PROM1: variants seen among roughly 807,000 people sequenced by gnomAD.
PROM1 encodes the protein prominin 1.
In PROM1, 105 loss-of-function variants were observed where a neutral mutation model predicts 116.9. The ratio of observed to expected loss-of-function variants is 0.90; its 90% confidence interval spans 0.77 to 1.06. The LOEUF is 1.06. Ranked by LOEUF, PROM1 falls within the 50% of genes least tolerant of loss-of-function variation. The probability of loss-of-function intolerance (pLI) is 0.00; values close to 1 mark genes in which losing one functional copy is unlikely to be tolerated. For synonymous variants in PROM1, 393 were observed against 387.0 expected (o/e 1.02, Z -0.18); for missense variants, 1,122 against 1,045.2 (o/e 1.07, Z -1.01).
At chr4:15,979,844 T>C in intron 25 of PROM1, 37 bp downstream of exon 25, 1 of 1,429,270 alleles carries the variant, frequency 7.0e-7, no homozygotes, top group Non-Finnish European at 9.6e-7. Context: ...ACCTCCCCCA[T>C]CCCATCTAGG....
intron 13 of PROM1, among the ~76,000 whole-genome samples, chr4:16,001,631 A>C (rs1334188816): frequency 6.6e-6 from 1 of 152,146 alleles, no homozygotes; most frequent in African/African-American, 2.4e-5. Context: ...TCACCAACCA[A>C]TGTGCTGTCT....
intron 1 of PROM1, chr4:16,079,506 G>GT (rs1444363608): frequency 3.9e-5 from 6 of 152,176 alleles, no homozygotes; most frequent in Admixed American, 3.9e-4. Context: ...AAGAGGAAGA[G>GT]TTTTTTATCT....
chr4:16,030,954 A>G (rs1299218179), intron 5 of PROM1, among the ~76,000 whole-genome samples: 2 of 152,136 alleles, frequency 1.3e-5, no homozygotes, highest in African/African-American at 2.4e-5. Context: ...GCTGAGGCAC[A>G]AGAATGACTT....
intron 19 of PROM1, among the ~76,000 whole-genome samples, chr4:15,987,978 G>A (rs1045981615): frequency 2.0e-5 from 3 of 149,688 alleles, no homozygotes; most frequent in African/African-American, 4.9e-5. Flanking sequence ...CTGGGTTCAC[G>A]CCATTCTCCT....
chr4:16,017,369 C>T (rs1728652970), intron 9 of PROM1, among the ~76,000 whole-genome samples: 1 of 152,170 alleles, frequency 6.6e-6, no homozygotes, highest in Non-Finnish European at 1.5e-5. Context: ...GGATCTATCT[C>T]AAACAACTCA....
rs769812128 is a variant in PROM1, at chr4:15,991,242, C to G, written c.1963G>C (p.Glu655Gln). The change falls in exon 18 of 28, where the codon GAA (glutamate) becomes CAA (glutamine). Residue 655 changes from glutamate (E) to glutamine (Q), a missense_variant. Transcript: ENST00000447510. The part of the protein sequence containing the change: ...VNLLSFAYDL[E>Q]AKANSLPPGN... The stretch of plus-strand genomic sequence containing the variant: ...CTCACCAAACTGTTTGCTTTTGCTT[C>G]TAGATCATATGCAAATGATAAAAGA... 4.4e-6 allele frequency: 7 copies of G among 1,608,358 alleles called. No homozygotes were observed. Among genetic ancestry groups the G allele is most frequent in the Non-Finnish European group, 5.9e-6 (7 of 1,177,980 alleles).
intron 2 of PROM1, among the ~76,000 whole-genome samples, chr4:16,041,472 T>G (rs1735213295): frequency 6.6e-6 from 1 of 152,116 alleles, no homozygotes; most frequent in Non-Finnish European, 1.5e-5. Context: ...TGGAACACCA[T>G]CTTTACTTGG....
Position 15,993,973 on chromosome 4 carries a change from C to G in PROM1, c.1767+14G>C, listed in dbSNP as rs780792543. Reference sequence around the variant, plus strand: ...GGAATGTGTTATGTCGATTCCATGACGAGTTCTAATTACCTCATTAATGTT... The same window carrying G: ...GGAATGTGTTATGTCGATTCCATGAGGAGTTCTAATTACCTCATTAATGTT... On this transcript the variant is annotated intron_variant, in intron 16 of 27. Coordinates refer to ENST00000447510, the MANE Select transcript of PROM1 (RefSeq NM_006017.3). The G allele has an allele frequency of 6.2e-7, 1 of 1,609,676 alleles. No homozygotes were observed. The highest frequency in any genetic ancestry group is 1.7e-5 in the Admixed American group (1 of 59,794).
In PROM1 at chr4:16,018,667, AG is replaced by A. The variant is rs899828582; in HGVS notation, c.785-128del. 11 of 775,864 alleles carry A rather than the reference AG, an allele frequency of 1.4e-5. No individual in the cohort carries two copies. In the African/African-American group the frequency reaches 1.7e-4, roughly 12 times the overall value. 48.1% of individuals were successfully genotyped at this position (775,864 alleles called of 1,614,324 possible). ...ATGGCAGTGAGAGGGACACACTGCA[AG>A]GGGCAGTCTGAGAGGGGAATACAGG... On this transcript the variant is annotated intron_variant, in intron 8 of 27. Coordinates refer to ENST00000447510, the MANE Select transcript of PROM1 (RefSeq NM_006017.3).
At chr4:16,081,099 ACATGTGCACAATG>A (rs1744959057) in intron 1 of PROM1, among the ~76,000 whole-genome samples, 1 of 151,854 alleles carries the variant, frequency 6.6e-6, no homozygotes, top group African/African-American at 2.4e-5. Context: ...GTTCTAGGGT[ACATGTGCACAATG>A]TGCATGTTTG....
chr4:16,030,147 T>C (rs987799230), intron 5 of PROM1, among the ~76,000 whole-genome samples: 1 of 152,208 alleles, frequency 6.6e-6, no homozygotes, highest in Non-Finnish European at 1.5e-5. Flanking sequence ...GTTTAAGGTA[T>C]TTGCAAACCA....
intron 2 of PROM1, among the ~76,000 whole-genome samples, chr4:16,054,731 C>G (rs74349250): frequency 6.6e-6 from 1 of 152,126 alleles, no homozygotes; most frequent in South Asian, 2.1e-4. Flanking sequence ...AAATGAGACC[C>G]CTTCAATCCA....
At chr4:16,075,574 A>G (rs1743774696) in intron 2 of PROM1, 113 bp downstream of exon 2, 5 of 1,081,104 alleles carry the variant, frequency 4.6e-6, no homozygotes, top group Non-Finnish European at 6.5e-6. Flanking sequence ...CTTCTGTGCA[A>G]AGCAATCGCT....
chr4:15,981,397 C>A (rs1444748905), intron 23 of PROM1, among the ~76,000 whole-genome samples: 1 of 151,644 alleles, frequency 6.6e-6, no homozygotes, highest in Non-Finnish European at 1.5e-5. Context: ...AGTGAAACCC[C>A]GTCTCTACTA....
chr4:16,018,295 T>G, intron 9 of PROM1, 28 bp downstream of exon 9: 4 of 1,606,264 alleles, frequency 2.5e-6, no homozygotes, highest in Non-Finnish European at 3.4e-6. Flanking sequence ...ATGCAGCCCT[T>G]GACCATGGCA....
At chr4:15,980,324 A>G in intron 24 of PROM1, 98 bp downstream of exon 24, 5 of 880,506 alleles carry the variant, frequency 5.7e-6, no homozygotes, top group Non-Finnish European at 8.9e-6. Flanking sequence ...AAAAAAAGAA[A>G]TCAACTTTAA....
intron 19 of PROM1, among the ~76,000 whole-genome samples, chr4:15,989,288 A>C (rs1198301898): frequency 6.6e-6 from 1 of 152,132 alleles, no homozygotes; most frequent in African/African-American, 2.4e-5. Context: ...AAGCAAATGG[A>C]AAGGATGGAA....
intron 12 of PROM1, among the ~76,000 whole-genome samples, chr4:16,008,243 C>T (rs1726017862): frequency 6.6e-6 from 1 of 152,160 alleles, no homozygotes; most frequent in Non-Finnish European, 1.5e-5. Context: ...TGCATCTTAC[C>T]TAATACATGA....
chr4:16,021,439 AAT>A (rs1729860425), intron 8 of PROM1, among the ~76,000 whole-genome samples: 1 of 152,192 alleles, frequency 6.6e-6, no homozygotes, highest in Non-Finnish European at 1.5e-5. Flanking sequence ...TTGCGAACAT[AAT>A]ATATGTGATC....
Sources: allele counts gnomAD v4.1 joint callset (sites outside exome capture counted in the v4.1 genomes callset), GRCh38; gene constraint gnomAD v4.1.1; transcripts MANE v1.5; gene names NCBI Gene and HGNC (gene_info 2026-07-23, HGNC 2026-07-21).